PARD3B: variants seen among roughly 807,000 people sequenced by gnomAD.
PARD3B encodes par-3 family cell polarity regulator beta, also known as partitioning defective 3 homolog B.
PARD3B carries 103 observed loss-of-function variants against 130.2 expected under a neutral mutation model. The ratio of observed to expected loss-of-function variants is 0.79; its 90% CI spans 0.67 to 0.93. The LOEUF is 0.93. Among genes scored for constraint, PARD3B ranks in the 40% least tolerant of loss-of-function variants. The pLI is 0.00. For missense variants in PARD3B, 1,609 were observed against 1,499.2 expected (o/e 1.07, Z -1.21); for synonymous variants, 583 against 553.2 (o/e 1.05, Z -0.76).
At chr2:205,600,033 G>T (rs2054722519) in intron 22 of PARD3B, among the ~76,000 whole-genome samples, 1 of 152,144 alleles carries the variant, frequency 6.6e-6, no homozygotes, top group Admixed American at 6.6e-5. Flanking sequence ...ATGCACTGAT[G>T]CTACAGTTCT....
intron 21 of PARD3B, among the ~76,000 whole-genome samples, chr2:205,500,640 G>A (rs2050124850): frequency 6.6e-6 from 1 of 152,144 alleles, no homozygotes; most frequent in South Asian, 2.1e-4. Flanking sequence ...TTGTTTTCAA[G>A]AAGCAAGTCT....
intron 1 of PARD3B, among the ~76,000 whole-genome samples, chr2:204,565,825 G>A (rs6742942): frequency 0.054 from 8,240 of 152,182 alleles, 739 homozygotes; most frequent in African/African-American, 0.19. Flanking sequence ...AGCTCAGTCA[G>A]TCAATCAATC....
chr2:205,521,870 G>A (rs1413366416), intron 21 of PARD3B, among the ~76,000 whole-genome samples: 1 of 151,828 alleles, frequency 6.6e-6, no homozygotes, highest in African/African-American at 2.4e-5. Context: ...CTATAATGTA[G>A]GAATTATCTC....
In PARD3B at chr2:205,300,055, G is replaced by T. The variant is rs2041939720; in HGVS notation, c.2186-475G>T. Among the ~76,000 whole-genome samples the T allele has an allele frequency of 1.3e-5, 2 of 152,170 alleles. No individual in the cohort carries two copies. The highest frequency in any genetic ancestry group is 4.8e-5 in the African/African-American group (2 of 41,432). On this transcript the variant is annotated intron_variant, in intron 16 of 22. Transcript: ENST00000406610. The surrounding 1 kb of genome is among the most constrained non-coding windows in gnomAD (Gnocchi z 4.1). ...AGCAACCATGGCAATGATAAAAGCT[G>T]TCAGGTGTGGGAGTGCTAGGACGAT...
chr2:205,580,245 A>G (rs1282461713), intron 22 of PARD3B, among the ~76,000 whole-genome samples: 1 of 152,182 alleles, frequency 6.6e-6, no homozygotes, highest in Admixed American at 6.5e-5. Context: ...AGGTTTGGTG[A>G]TTTATATTAA....
At chr2:205,406,822 C>T (rs1429563305) in intron 19 of PARD3B, among the ~76,000 whole-genome samples, 2 of 151,926 alleles carry the variant, frequency 1.3e-5, no homozygotes, top group African/African-American at 4.8e-5. Context: ...AGGCACGCGC[C>T]ACCATGCCCA....
At chr2:204,662,092 T>G (rs2035834041) in intron 1 of PARD3B, among the ~76,000 whole-genome samples, 1 of 152,236 alleles carries the variant, frequency 6.6e-6, no homozygotes, top group Non-Finnish European at 1.5e-5. Flanking sequence ...CTGGTCTATC[T>G]TGCATTTTGA....
chr2:205,137,390 G>C (rs1308561316), intron 10 of PARD3B, among the ~76,000 whole-genome samples: 6 of 152,064 alleles, frequency 3.9e-5, no homozygotes, highest in Admixed American at 3.9e-4. Flanking sequence ...GAAAGGAACA[G>C]AAAGGAACAT....
chr2:204,965,071 T>C (rs1245656571), intron 2 of PARD3B, 81 bp from the exon 3 acceptor site: 17 of 1,376,878 alleles, frequency 1.2e-5, no homozygotes, highest in Non-Finnish European at 1.7e-5. Context: ...TGCAACCAAA[T>C]AAAGATCACG....
rs558908155 is a variant in PARD3B, at chr2:205,568,129, G to T, written c.3260+14726G>T. ...AAGGACCGTAGTGGACAGAAGTGCT[G>T]CAGTGATGGGGGTGTGGGGGCAGTC... On this transcript the variant is annotated intron_variant, in intron 22 of 22. Coordinates refer to ENST00000406610, the MANE Select transcript of PARD3B (RefSeq NM_001302769.2). The surrounding 1 kb of genome is among the most constrained non-coding windows in gnomAD (Gnocchi z 5.3). Among the ~76,000 whole-genome samples the T allele has an allele frequency of 2.6e-5, 4 of 152,362 alleles. No homozygotes were observed. The highest frequency in any genetic ancestry group is 6.5e-5 in the Admixed American group (1 of 15,308).
At chr2:204,935,283 A>G (rs1688338243) in intron 2 of PARD3B, among the ~76,000 whole-genome samples, 1 of 150,904 alleles carries the variant, frequency 6.6e-6, no homozygotes. Flanking sequence ...TAATCCCAGC[A>G]CTTTGGGAGG....
chr2:205,017,642 G>A (rs998358867), intron 3 of PARD3B, among the ~76,000 whole-genome samples: 7 of 152,140 alleles, frequency 4.6e-5, no homozygotes, highest in African/African-American at 1.7e-4. Flanking sequence ...CACAGCCAGG[G>A]TTCTCATGCT....
chr2:205,433,119 A>C (rs983560715), intron 19 of PARD3B, among the ~76,000 whole-genome samples: 1 of 152,246 alleles, frequency 6.6e-6, no homozygotes, highest in Non-Finnish European at 1.5e-5. Flanking sequence ...TAGATAATGC[A>C]TTTAAAAGAG....
chr2:205,399,192 C>T (rs1011758922), intron 18 of PARD3B, among the ~76,000 whole-genome samples: 1 of 151,730 alleles, frequency 6.6e-6, no homozygotes, highest in African/African-American at 2.4e-5. Context: ...ATCACATGAA[C>T]CCAGGAGGCA....
At chr2:205,542,358 G>T (rs1389865948) in intron 21 of PARD3B, among the ~76,000 whole-genome samples, 1 of 133,988 alleles carries the variant, frequency 7.5e-6, no homozygotes, top group African/African-American at 2.7e-5. Flanking sequence ...TTGTGTTTGT[G>T]TGTGTGTGTG....
chr2:204,979,913 C>T (rs1290583369), intron 3 of PARD3B, among the ~76,000 whole-genome samples: 3 of 152,170 alleles, frequency 2.0e-5, no homozygotes, highest in Non-Finnish European at 4.4e-5. Context: ...ATAAGACTAT[C>T]TTCATAACTT....
At chr2:205,299,064 T>A (rs991295347) in intron 16 of PARD3B, among the ~76,000 whole-genome samples, 2 of 152,216 alleles carry the variant, frequency 1.3e-5, no homozygotes, top group Non-Finnish European at 2.9e-5. Flanking sequence ...TAACACAGAC[T>A]AAGCACTCCA....
intron 18 of PARD3B, among the ~76,000 whole-genome samples, chr2:205,329,099 A>G (rs773454390): frequency 2.0e-5 from 3 of 152,162 alleles, no homozygotes; most frequent in Non-Finnish European, 4.4e-5. Flanking sequence ...CATCTGATAA[A>G]TATTTGTTGA....
At chr2:205,277,753 T>C (rs143517489) in intron 16 of PARD3B, among the ~76,000 whole-genome samples, 1,974 of 152,114 alleles carry the variant, frequency 0.013, 22 homozygotes, top group Middle Eastern at 0.048. Context: ...TGAAGTAAGA[T>C]GAGTGAGAGA....
Sources: gnomAD v4.1 joint callset for allele counts (sites outside exome capture counted in the v4.1 genomes callset) on GRCh38, gnomAD v4.1.1 for gene constraint, Gnocchi (gnomAD v3.1) non-coding constraint, MANE v1.5 for transcripts, NCBI Gene and HGNC (gene_info 2026-07-23, HGNC 2026-07-21) for gene names.